ZNF365: variants seen among roughly 807,000 people sequenced by gnomAD.
ZNF365 encodes protein ZNF365.
ZNF365 carries 22 observed loss-of-function variants against 35.0 expected under a neutral mutation model. That is an observed-to-expected ratio of 0.63 (90% CI 0.45 to 0.90). ZNF365 has a LOEUF of 0.90. ZNF365 is among the 40% of genes least tolerant of loss of function. ZNF365 has a pLI of 0.00. For missense variants in ZNF365, 448 were observed against 500.3 expected (o/e 0.90, Z 1.00); for synonymous variants, 188 against 196.2 (o/e 0.96, Z 0.35).
At chr10:62,378,207 C>G (rs1003765216) in intron 2 of ZNF365, among the ~76,000 whole-genome samples, 3 of 152,112 alleles carry the variant, frequency 2.0e-5, no homozygotes, top group Non-Finnish European at 2.9e-5. Flanking sequence ...CGTTAATGGC[C>G]ACCAGAGTGA....
chr10:62,410,103 T>C (rs1230486154), intron 3 of ZNF365, among the ~76,000 whole-genome samples: 1 of 152,164 alleles, frequency 6.6e-6, no homozygotes, highest in South Asian at 2.1e-4. Flanking sequence ...GAAATTATCT[T>C]ATTTATTGGT....
intron 3 of ZNF365, 43 bp from the exon 4 acceptor site, chr10:62,398,697 C>A: frequency 3.8e-6 from 6 of 1,581,128 alleles, no homozygotes; most frequent in South Asian, 1.1e-5. Context: ...CAAATCCAGT[C>A]CTCAAATGCA....
chr10:62,403,338 T>C, downstream of ZNF365, among the ~76,000 whole-genome samples: 1 of 152,162 alleles, frequency 6.6e-6, no homozygotes, highest in East Asian at 1.9e-4. Flanking sequence ...TTTGTCTTGC[T>C]ACCTTTGGTG....
chr10:62,402,443 C>A lies in ZNF365; in HGVS notation c.*2654C>A. The stretch of plus-strand genomic sequence containing the variant: ...ATATTATGATAATAAAGCTATATTT[C>A]TGACTAATGTGTTGATATGTTTTGT... On this transcript the variant is annotated 3_prime_UTR_variant, in exon 5 of 5. Coordinates refer to ENST00000395254, the MANE Select transcript of ZNF365 (RefSeq NM_014951.3). The A allele has an allele frequency of 1.0e-6, 1 of 985,160 alleles. No individual in the cohort carries two copies. Among genetic ancestry groups the A allele is most frequent in the Non-Finnish European group, 1.2e-6 (1 of 829,632 alleles). 61.0% of individuals were successfully genotyped at this position (985,160 alleles called of 1,614,324 possible).
At chr10:62,404,717 G>C (rs1197648753), downstream of ZNF365, among the ~76,000 whole-genome samples, 2 of 152,162 alleles carry the variant, frequency 1.3e-5, no homozygotes, top group Non-Finnish European at 2.9e-5. Context: ...TCTACATTGG[G>C]TTGGGAATTG....
chr10:62,446,092 T>C (rs908443113), intron 3 of ZNF365, among the ~76,000 whole-genome samples: 1 of 152,192 alleles, frequency 6.6e-6, no homozygotes, highest in Non-Finnish European at 1.5e-5. Flanking sequence ...AAAACCCAAG[T>C]CACTGCACTC....
intron 3 of ZNF365, among the ~76,000 whole-genome samples, chr10:62,456,635 C>T (rs1300001943): frequency 2.6e-5 from 4 of 152,188 alleles, no homozygotes; most frequent in East Asian, 1.9e-4. Context: ...ATTGAGAGCT[C>T]AATGTGAGCG....
intron 4 of ZNF365, among the ~76,000 whole-genome samples, chr10:62,473,798 G>A (rs143577981): frequency 6.6e-6 from 1 of 152,094 alleles, no homozygotes; most frequent in Non-Finnish European, 1.5e-5. Context: ...ACAAAGAGGA[G>A]CTCAAATAAT....
intron 3 of ZNF365, among the ~76,000 whole-genome samples, chr10:62,393,106 G>A (rs7069883): frequency 0.96 from 146,460 of 151,948 alleles, 70,826 homozygotes; most frequent in East Asian, 1. Context: ...ATTCCTGTTC[G>A]CATCTTTTCC....
At chr10:62,427,469 C>A (rs186227388) in intron 3 of ZNF365, among the ~76,000 whole-genome samples, 23 of 152,274 alleles carry the variant, frequency 1.5e-4, no homozygotes, top group Admixed American at 9.2e-4. Flanking sequence ...ATTTTGTTAG[C>A]ACAGCAACAA....
At chr10:62,383,347 G>A (rs1839472344) in intron 2 of ZNF365, among the ~76,000 whole-genome samples, 1 of 152,124 alleles carries the variant, frequency 6.6e-6, no homozygotes, top group Admixed American at 6.5e-5. Flanking sequence ...AACACAGTAG[G>A]CCATGTCATG....
chr10:62,377,641 T>C lies in ZNF365; in HGVS notation c.743+705T>C, dbSNP rs1013543625. On this transcript the variant is annotated intron_variant, in intron 2 of 4. Transcript: ENST00000395254. ...ATTGGTTTTCACAAGTTATAGATCA[T>C]AGAAGCTATTGCTTGAGAAATCATC... Among the ~76,000 whole-genome samples the C allele has an allele frequency of 3.3e-5, 5 of 152,342 alleles. No homozygotes were observed. The East Asian group carries it at 7.7e-4, about 23-fold the overall frequency.
chr10:62,412,151 T>A (rs897006401), intron 3 of ZNF365, among the ~76,000 whole-genome samples: 2 of 152,146 alleles, frequency 1.3e-5, no homozygotes, highest in African/African-American at 4.8e-5. Flanking sequence ...TCAATAAATG[T>A]AATTCATTAC....
exon 5 of ZNF365, chr10:62,480,058 C>T: frequency 7.3e-7 from 1 of 1,375,322 alleles, no homozygotes; most frequent in Non-Finnish European, 9.6e-7. Flanking sequence ...CTTTACTCAC[C>T]AGGAGTGGGT....
intron 3 of ZNF365, among the ~76,000 whole-genome samples, chr10:62,422,052 C>T (rs1224770703): frequency 2.0e-5 from 3 of 152,184 alleles, no homozygotes; most frequent in Admixed American, 1.3e-4. Context: ...CAGCAATAAT[C>T]TAGTCCAGAG....
chr10:62,446,886 G>A (rs1426271494), intron 3 of ZNF365, among the ~76,000 whole-genome samples: 1 of 152,136 alleles, frequency 6.6e-6, no homozygotes, highest in African/African-American at 2.4e-5. Flanking sequence ...GAATGGAGGA[G>A]CATCTAGGAT....
rs572365175 is a variant in ZNF365 at position 62,381,498 on chromosome 10, TC to T, written c.743+4567del. 2.3e-3 allele frequency among the ~76,000 whole-genome samples: 344 copies of T among 152,200 alleles called. 2 individuals are homozygous for T. Among genetic ancestry groups the T allele is most frequent in the East Asian group, 0.023 (117 of 5,184 alleles). On this transcript the variant is annotated intron_variant, in intron 2 of 4. Coordinates refer to ENST00000395254, the MANE Select transcript of ZNF365 (RefSeq NM_014951.3). ...GACTCCTGAAAATGTGATTTTTTTT[TC>T]CCCCAAAGCGTCAAGACTTATGTAA... is the stretch of plus-strand genomic sequence containing the variant.
chr10:62,418,898 G>GTATAACTT (rs3081227), intron 3 of ZNF365, among the ~76,000 whole-genome samples: 1 of 151,260 alleles, frequency 6.6e-6, no homozygotes, highest in Admixed American at 6.6e-5. Flanking sequence ...TGCCAATGTG[G>GTATAACTT]TGTGATGACT....
intron 3 of ZNF365, among the ~76,000 whole-genome samples, chr10:62,427,806 G>A (rs1410726784): frequency 6.6e-6 from 1 of 152,144 alleles, no homozygotes; most frequent in Non-Finnish European, 1.5e-5. Flanking sequence ...GCTAGAAGGC[G>A]ACTCCTGCAC....
Sources: gnomAD v4.1 joint callset for allele counts (sites outside exome capture counted in the v4.1 genomes callset) on GRCh38, gnomAD v4.1.1 for gene constraint, MANE v1.5 for transcripts, NCBI Gene and HGNC (gene_info 2026-07-23, HGNC 2026-07-21) for gene names.